Variants in TRAM2 observed in about 807,000 individuals in gnomAD.
The protein encoded by TRAM2 is translocation associated membrane protein 2.
Under a neutral mutation model 51.0 loss-of-function variants are expected in TRAM2, and 12 were observed. That is an observed-to-expected ratio of 0.24 (90% CI 0.15 to 0.38). The LOEUF (loss-of-function observed/expected upper bound fraction) is 0.38, where lower values mean the gene tolerates loss of function less well. TRAM2 is among the 10% of genes least tolerant of loss of function. TRAM2 has a pLI of 1.00. For synonymous variants in TRAM2, 175 were observed against 179.4 expected (o/e 0.98, Z 0.20); for missense variants, 361 against 462.0 (o/e 0.78, Z 2.00).
chr6:52,555,385 T>A (rs764283400), intron 1 of TRAM2, among the ~76,000 whole-genome samples: 1 of 152,130 alleles, frequency 6.6e-6, no homozygotes, highest in Non-Finnish European at 1.5e-5. Context: ...CTTTTTCTGA[T>A]CATCAAAATA....
intron 1 of TRAM2, among the ~76,000 whole-genome samples, chr6:52,575,007 C>A (rs1225726691): frequency 1.3e-5 from 2 of 152,196 alleles, no homozygotes; most frequent in Non-Finnish European, 2.9e-5. Context: ...AGGCTGGGGA[C>A]ACGCACTTGG....
At chr6:52,566,124 C>T (rs1484574784) in intron 1 of TRAM2, among the ~76,000 whole-genome samples, 3 of 152,140 alleles carry the variant, frequency 2.0e-5, no homozygotes, top group African/African-American at 4.8e-5. Context: ...TAAAGCCATA[C>T]GAAGGCAATG....
chr6:52,570,803 C>CCGG (rs1554267141), intron 1 of TRAM2, among the ~76,000 whole-genome samples: 1 of 122,734 alleles, frequency 8.1e-6, no homozygotes, highest in African/African-American at 3.0e-5. Flanking sequence ...CCACCCCCCC[C>CCGG]CCCACACGCA....
At chr6:52,561,344 G>A (rs555027526) in intron 1 of TRAM2, among the ~76,000 whole-genome samples, 6 of 152,260 alleles carry the variant, frequency 3.9e-5, no homozygotes, top group East Asian at 3.9e-4. Context: ...GTGCAGTGGC[G>A]CAATCTTGGC....
rs571114996 is a variant in TRAM2, at chr6:52,499,781, G to C, written c.*3416C>G. Reference sequence around the variant, plus strand: ...TAAATGTTGGGAAGTTATGCCTTGGGACATGAACAGACAAGTTTCTCAGCA... The same window carrying C: ...TAAATGTTGGGAAGTTATGCCTTGGCACATGAACAGACAAGTTTCTCAGCA... On this transcript the variant is annotated 3_prime_UTR_variant, in exon 11 of 11. Coordinates refer to ENST00000182527, the MANE Select transcript of TRAM2 (RefSeq NM_012288.4). 1 of 152,334 alleles carries C rather than the reference G, an allele frequency of 6.6e-6. No individual in the cohort carries two copies. The highest frequency in any genetic ancestry group is 2.4e-5 in the African/African-American group (1 of 41,536). 9.4% of individuals were successfully genotyped at this position (152,334 alleles called of 1,614,324 possible).
At chr6:52,533,363 G>A (rs962899837) in intron 2 of TRAM2, among the ~76,000 whole-genome samples, 5 of 152,100 alleles carry the variant, frequency 3.3e-5, no homozygotes, top group Non-Finnish European at 7.4e-5. Context: ...AAATAAGCCC[G>A]GATTTGACTT....
In TRAM2 at chr6:52,503,004, A is replaced by G. The variant is rs1766264743; in HGVS notation, c.*193T>C. The G allele has an allele frequency of 3.2e-6, 2 of 618,536 alleles. No homozygotes were observed. Among genetic ancestry groups the G allele is most frequent in the Non-Finnish European group, 5.7e-6 (2 of 348,538 alleles). 38.3% of individuals were successfully genotyped at this position (618,536 alleles called of 1,614,324 possible). A position where few individuals can be genotyped will look rare whatever the true frequency, so the allele number is the denominator to read the frequency against. ...GAGAAAGATTTTTGGCTTTATTGAG[A>G]ATGGTTTGTGGAAGAATAAGAGGAA... On this transcript the variant is annotated 3_prime_UTR_variant, in exon 11 of 11. Coordinates refer to ENST00000182527, the MANE Select transcript of TRAM2 (RefSeq NM_012288.4).
chr6:52,510,274 T>C (rs1362941260), intron 4 of TRAM2, among the ~76,000 whole-genome samples: 1 of 152,178 alleles, frequency 6.6e-6, no homozygotes. Flanking sequence ...CAGCACCTTA[T>C]ATGGGGTGGG....
intron 10 of TRAM2, 121 bp from the exon 11 acceptor site, chr6:52,503,391 C>T (rs1339780774): frequency 1.3e-5 from 11 of 860,518 alleles, no homozygotes; most frequent in Admixed American, 1.8e-5. Flanking sequence ...CATGGATGCA[C>T]CAAAGGGGCG....
At chr6:52,539,776 G>A (rs1192335032) in intron 1 of TRAM2, among the ~76,000 whole-genome samples, 3 of 152,094 alleles carry the variant, frequency 2.0e-5, no homozygotes, top group Non-Finnish European at 4.4e-5. Context: ...GAGAGAGTCG[G>A]TGCTGTGCTC....
At chr6:52,531,426 CTT>C (rs1766889582) in intron 2 of TRAM2, among the ~76,000 whole-genome samples, 1 of 152,238 alleles carries the variant, frequency 6.6e-6, no homozygotes, top group Non-Finnish European at 1.5e-5. Flanking sequence ...ACTTAAAACA[CTT>C]TATCTTCTCT....
chr6:52,531,724 A>AACCCC (rs1766896126), intron 2 of TRAM2, among the ~76,000 whole-genome samples: 1 of 152,080 alleles, frequency 6.6e-6, no homozygotes, highest in Non-Finnish European at 1.5e-5. Flanking sequence ...AACACAACAC[A>AACCCC]ACCCCCACAC....
At chr6:52,543,163 C>T (rs1366098840) in intron 1 of TRAM2, among the ~76,000 whole-genome samples, 3 of 152,030 alleles carry the variant, frequency 2.0e-5, no homozygotes, top group Admixed American at 6.6e-5. Context: ...TATATATATT[C>T]TCATCCTCCC....
chr6:52,531,267 T>TA (rs1766887063), intron 2 of TRAM2, among the ~76,000 whole-genome samples: 1 of 152,198 alleles, frequency 6.6e-6, no homozygotes, highest in Non-Finnish European at 1.5e-5. Flanking sequence ...CTCCAGTTCT[T>TA]ACAAACCAAA....
intron 4 of TRAM2, 74 bp from the exon 5 acceptor site, chr6:52,509,660 G>C: frequency 7.0e-7 from 1 of 1,427,490 alleles, no homozygotes; most frequent in Non-Finnish European, 9.8e-7. Context: ...ACCGGTCCAG[G>C]GGTCAGGGAT....
At position 52,563,851 on chromosome 6, in the gene TRAM2, A is replaced by ATTT. The variant is rs11405487; in HGVS notation, c.120+12942_120+12944dup. Among the ~76,000 whole-genome samples, 229 of 137,112 alleles carry ATTT rather than the reference A, an allele frequency of 1.7e-3. 3 individuals are homozygous for ATTT. The East Asian group carries it at 0.045, about 27-fold the overall frequency. 90.0% of individuals were successfully genotyped at this position (137,112 alleles called of 152,430 possible). ...TAATGGTACCTAATCAAAAACACTTATTTTTTTTTTTTTTGCCACATGAAT... is the reference window on the plus strand; with the variant it reads ...TAATGGTACCTAATCAAAAACACTTATTTTTTTTTTTTTTTTTGCCACATGAAT... On this transcript the variant is annotated intron_variant, in intron 1 of 10. Coordinates refer to ENST00000182527, the MANE Select transcript of TRAM2 (RefSeq NM_012288.4).
At chr6:52,543,578 G>T (rs986017978) in intron 1 of TRAM2, among the ~76,000 whole-genome samples, 1 of 152,230 alleles carries the variant, frequency 6.6e-6, no homozygotes, top group African/African-American at 2.4e-5. Context: ...ATTTTAGGTT[G>T]TGAGTTATTT....
rs536080686 is a variant in TRAM2, at chr6:52,499,869, C to G, written c.*3328G>C. 6.6e-6 allele frequency: 1 copy of G among 152,332 alleles called. No individual in the cohort carries two copies. Among genetic ancestry groups the G allele is most frequent in the Non-Finnish European group, 1.5e-5 (1 of 68,114 alleles). 9.4% of individuals were successfully genotyped at this position (152,332 alleles called of 1,614,324 possible). Reference sequence around the variant, plus strand: ...AGAACTGACTCAAAAGGGAGGACAGCAGATCCCCCGCCGGCTCAGCCTGCT... The same window carrying G: ...AGAACTGACTCAAAAGGGAGGACAGGAGATCCCCCGCCGGCTCAGCCTGCT... On this transcript the variant is annotated 3_prime_UTR_variant, in exon 11 of 11. Coordinates refer to ENST00000182527, the MANE Select transcript of TRAM2 (RefSeq NM_012288.4).
In TRAM2 at chr6:52,552,559, C is replaced by G. The variant is rs1331398810; in HGVS notation, c.121-16713G>C. ...ATCCACCTCACTGGGCCTCAGAGTTCTCATGTTTTAAGGGTGTTCTCTGAA... is the reference window on the plus strand; with the variant it reads ...ATCCACCTCACTGGGCCTCAGAGTTGTCATGTTTTAAGGGTGTTCTCTGAA... On this transcript the variant is annotated intron_variant, in intron 1 of 10. Coordinates refer to ENST00000182527, the MANE Select transcript of TRAM2 (RefSeq NM_012288.4). 2.6e-5 allele frequency among the ~76,000 whole-genome samples: 4 copies of G among 152,202 alleles called. No homozygotes were observed. In the South Asian group the frequency reaches 8.3e-4, roughly 32 times the overall value.
Sources: allele counts gnomAD v4.1 joint callset (sites outside exome capture counted in the v4.1 genomes callset), GRCh38; gene constraint gnomAD v4.1.1; transcripts MANE v1.5; gene names NCBI Gene and HGNC (gene_info 2026-07-23, HGNC 2026-07-21).